The following ADGRL3 variants were observed in gnomAD, a reference collection of about 807,000 sequenced individuals.
ADGRL3 encodes the protein adhesion G protein-coupled receptor L3, also known as calcium-independent alpha-latrotoxin receptor 3.
A neutral mutation model predicts 153.5 loss-of-function variants in ADGRL3; 62 were observed. The ratio of observed to expected loss-of-function variants is 0.40; its 90% confidence interval spans 0.33 to 0.50. The LOEUF is 0.50. Ranked by LOEUF, ADGRL3 falls within the 20% of genes least tolerant of loss-of-function variation. The probability of loss-of-function intolerance (pLI) is 0.47; values close to 1 mark genes in which losing one functional copy is unlikely to be tolerated. For synonymous variants in ADGRL3, 710 were observed against 672.5 expected, an observed-to-expected ratio of 1.06 and a Z score of -0.86; for missense variants, 1,641 against 1,859.4, an observed-to-expected ratio of 0.88 and a Z score of 2.16.
At chr4:61,761,246 G>A (rs1227010763) in intron 8 of ADGRL3, among the ~76,000 whole-genome samples, 1 of 152,144 alleles carries the variant, frequency 6.6e-6, no homozygotes, top group African/African-American at 2.4e-5. Context: ...TCCTACAAAG[G>A]CAATCTAGTC....
At chr4:61,255,224 A>G (rs2091846643) in intron 1 of ADGRL3, among the ~76,000 whole-genome samples, 1 of 152,186 alleles carries the variant, frequency 6.6e-6, no homozygotes, top group Admixed American at 6.5e-5. Context: ...TAAGGCAGAA[A>G]GTTCTCAAGA....
chr4:61,859,438 G>A (rs2098316400), intron 9 of ADGRL3, among the ~76,000 whole-genome samples: 1 of 152,106 alleles, frequency 6.6e-6, no homozygotes, highest in Non-Finnish European at 1.5e-5. Context: ...TCATGATGAT[G>A]TTAAATGTTT....
At chr4:61,996,558 AAAAT>A (rs2099122392) in intron 20 of ADGRL3, among the ~76,000 whole-genome samples, 1 of 152,226 alleles carries the variant, frequency 6.6e-6, no homozygotes, top group Non-Finnish European at 1.5e-5. Flanking sequence ...GTGGGAGAAG[AAAAT>A]ATTCATTTGC....
intron 1 of ADGRL3, among the ~76,000 whole-genome samples, chr4:61,255,162 G>C (rs568062200): frequency 6.6e-6 from 1 of 152,126 alleles, no homozygotes; most frequent in Non-Finnish European, 1.5e-5. Flanking sequence ...GTCAGGGTTG[G>C]TTGATATCCC....
At chr4:61,315,131 A>C (rs1172215429) in intron 1 of ADGRL3, among the ~76,000 whole-genome samples, 1 of 152,162 alleles carries the variant, frequency 6.6e-6, no homozygotes, top group Non-Finnish European at 1.5e-5. Context: ...TAATCACAGT[A>C]AGGAAGGGTG....
At chr4:61,826,698 C>T (rs1033087172) in intron 9 of ADGRL3, among the ~76,000 whole-genome samples, 1 of 151,926 alleles carries the variant, frequency 6.6e-6, no homozygotes, top group East Asian at 1.9e-4. Context: ...TGTAGCTACA[C>T]GGTGGAGAAT....
At chr4:61,645,314 T>C (rs966997539) in intron 5 of ADGRL3, among the ~76,000 whole-genome samples, 1 of 151,708 alleles carries the variant, frequency 6.6e-6, no homozygotes, top group Non-Finnish European at 1.5e-5. Flanking sequence ...ATGTGTGAAT[T>C]TGATCCTGTC....
At chr4:61,204,726 A>G (rs573935009) in intron 1 of ADGRL3, among the ~76,000 whole-genome samples, 1 of 152,332 alleles carries the variant, frequency 6.6e-6, no homozygotes, top group East Asian at 1.9e-4. Flanking sequence ...ATTAACTCAA[A>G]GTTTTATATG....
chr4:61,812,310 G>C (rs1331964770), intron 8 of ADGRL3, among the ~76,000 whole-genome samples: 1 of 152,130 alleles, frequency 6.6e-6, no homozygotes, highest in Non-Finnish European at 1.5e-5. Flanking sequence ...CACTGTCTCT[G>C]CTGTTAGCTG....
intron 4 of ADGRL3, among the ~76,000 whole-genome samples, chr4:61,568,440 C>A (rs1367699706): frequency 6.6e-6 from 1 of 152,042 alleles, no homozygotes; most frequent in African/African-American, 2.4e-5. Flanking sequence ...AATTCATGGT[C>A]TAACTACCCC....
chr4:61,888,455 A>T (rs1227767585), intron 9 of ADGRL3, among the ~76,000 whole-genome samples: 1 of 152,226 alleles, frequency 6.6e-6, no homozygotes, highest in Non-Finnish European at 1.5e-5. Flanking sequence ...CTGTTCAGCA[A>T]ATCTATATTT....
At chr4:61,544,089 G>A (rs2098702776) in intron 4 of ADGRL3, among the ~76,000 whole-genome samples, 1 of 152,174 alleles carries the variant, frequency 6.6e-6, no homozygotes, top group South Asian at 2.1e-4. Context: ...ATCAGTGTGA[G>A]TTTCCTTGGG....
chr4:61,399,412 T>C (rs767210062), intron 2 of ADGRL3, among the ~76,000 whole-genome samples: 4 of 151,650 alleles, frequency 2.6e-5, no homozygotes, highest in Non-Finnish European at 5.9e-5. Flanking sequence ...AAATTTGAAA[T>C]GACAATTTAT....
At chr4:61,835,337 GAAAA>G (rs34440166) in intron 9 of ADGRL3, among the ~76,000 whole-genome samples, 18 of 33,060 alleles carry the variant, frequency 5.4e-4, no homozygotes, top group African/African-American at 1.9e-3. Context: ...TGGCAAGACT[GAAAA>G]AAAAAAAAAA....
intron 2 of ADGRL3, among the ~76,000 whole-genome samples, chr4:61,494,040 A>G (rs2098285005): frequency 6.7e-6 from 1 of 149,828 alleles, no homozygotes; most frequent in Admixed American, 6.7e-5. Context: ...AGGAAGGTTA[A>G]TTCTTCTCTA....
chr4:61,540,795 A>C (rs535133040), intron 4 of ADGRL3, among the ~76,000 whole-genome samples: 126 of 152,204 alleles, frequency 8.3e-4, no homozygotes, highest in Non-Finnish European at 1.4e-3. Context: ...CACACAAAAA[A>C]AATTAAATAT....
chr4:61,764,331 A>G (rs1009716947), intron 8 of ADGRL3, among the ~76,000 whole-genome samples: 8 of 151,784 alleles, frequency 5.3e-5, no homozygotes, highest in East Asian at 2.0e-4. Flanking sequence ...GCGAAGGGAG[A>G]TAAGGGTGGG....
intron 11 of ADGRL3, among the ~76,000 whole-genome samples, chr4:61,906,108 ATTATC>A (rs1020926318): frequency 2.8e-4 from 42 of 151,688 alleles, no homozygotes; most frequent in African/African-American, 9.7e-4. Context: ...TATTGTATAT[ATTATC>A]TTTTTCACAA....
At chr4:61,873,260 A>G (rs13109488) in intron 9 of ADGRL3, among the ~76,000 whole-genome samples, 17 of 152,174 alleles carry the variant, frequency 1.1e-4, no homozygotes, top group Non-Finnish European at 1.9e-4. Flanking sequence ...AATGTAGTAA[A>G]CAAGAGGCAC....
Sources: gnomAD v4.1 joint callset for allele counts (sites outside exome capture counted in the v4.1 genomes callset) on GRCh38, gnomAD v4.1.1 for gene constraint, MANE v1.5 for transcripts, NCBI Gene and HGNC (gene_info 2026-07-23, HGNC 2026-07-21) for gene names.